The following OLA1 variants were observed in gnomAD, a reference collection of about 807,000 sequenced individuals.
OLA1 encodes obg-like ATPase 1.
Under a neutral mutation model 48.4 loss-of-function variants are expected in OLA1, and 14 were observed. The ratio of observed to expected loss-of-function variants is 0.29; its 90% CI spans 0.19 to 0.45. The LOEUF (loss-of-function observed/expected upper bound fraction) is 0.45. Among genes scored for constraint, OLA1 ranks in the 20% least tolerant of loss-of-function variants. OLA1 has a pLI of 1.00. For missense variants in OLA1, 325 were observed against 467.1 expected (o/e 0.70, Z 2.80); for synonymous variants, 127 against 150.4 (o/e 0.84, Z 1.14).
intron 4 of OLA1, among the ~76,000 whole-genome samples, chr2:174,142,662 G>T (rs1246965924): frequency 6.6e-6 from 1 of 152,152 alleles, no homozygotes; most frequent in African/African-American, 2.4e-5. Flanking sequence ...TGCAGTTGAA[G>T]CCATAATTTC....
intron 4 of OLA1, among the ~76,000 whole-genome samples, chr2:174,222,720 G>A (rs1688535393): frequency 6.6e-6 from 1 of 152,132 alleles, no homozygotes; most frequent in Non-Finnish European, 1.5e-5. Flanking sequence ...CACAATTTAA[G>A]ATAATTTCAG....
chr2:174,114,367 A>AAAAAAAAAAAAAAAAAAAAAAAAC, intron 7 of OLA1, among the ~76,000 whole-genome samples: 1 of 146,924 alleles, frequency 6.8e-6, no homozygotes, highest in South Asian at 2.2e-4. Flanking sequence ...AAAAAAAAAA[A>AAAAAAAAAAAAAAAAAAAAAAAAC]AAAAAAGCTA....
At chr2:174,182,577 T>C (rs911438434) in intron 4 of OLA1, among the ~76,000 whole-genome samples, 1 of 152,072 alleles carries the variant, frequency 6.6e-6, no homozygotes, top group Non-Finnish European at 1.5e-5. Context: ...CTCTTTCAAT[T>C]TCTGTGAGGT....
intron 7 of OLA1, 114 bp from the exon 8 acceptor site, chr2:174,082,178 C>T: frequency 1.7e-6 from 2 of 1,156,406 alleles, no homozygotes; most frequent in Admixed American, 1.9e-5. Flanking sequence ...TTTATGATGC[C>T]ATCTTTTTGT....
intron 4 of OLA1, among the ~76,000 whole-genome samples, chr2:174,192,296 T>C (rs1252186796): frequency 6.6e-6 from 1 of 152,230 alleles, no homozygotes; most frequent in African/African-American, 2.4e-5. Context: ...ATTATACTTA[T>C]CAGTTAAGCA....
intron 7 of OLA1, among the ~76,000 whole-genome samples, chr2:174,118,705 A>G (rs74953690): frequency 2.7e-4 from 41 of 152,352 alleles, no homozygotes; most frequent in African/African-American, 9.6e-4. Flanking sequence ...GATAAATTAC[A>G]TCACTCACAA....
At chr2:174,245,982 C>T (rs938951516) in intron 2 of OLA1, among the ~76,000 whole-genome samples, 1 of 151,880 alleles carries the variant, frequency 6.6e-6, no homozygotes, top group African/African-American at 2.4e-5. Context: ...CTCTTATTTG[C>T]ATATATTCAA....
chr2:174,075,774 A>G (rs1201448899), intron 10 of OLA1, among the ~76,000 whole-genome samples: 1 of 152,206 alleles, frequency 6.6e-6, no homozygotes, highest in Non-Finnish European at 1.5e-5. Flanking sequence ...TTGTTGGTAC[A>G]TAAATGTAAT....
intron 7 of OLA1, among the ~76,000 whole-genome samples, chr2:174,119,948 C>T (rs956925087): frequency 1.7e-5 from 2 of 115,892 alleles, no homozygotes; most frequent in East Asian, 1.1e-3. Flanking sequence ...ATAACACACA[C>T]ACACACAAAC....
intron 5 of OLA1, among the ~76,000 whole-genome samples, chr2:174,129,048 T>C (rs1263053055): frequency 6.6e-6 from 1 of 152,208 alleles, no homozygotes; most frequent in African/African-American, 2.4e-5. Context: ...CTCTCTCAGC[T>C]TGTTTCTGTG....
chr2:174,075,597 G>A (rs191214514), intron 10 of OLA1, 70 bp from the exon 11 acceptor site: 2 of 925,364 alleles, frequency 2.2e-6, no homozygotes, highest in Admixed American at 4.2e-5. Context: ...AATGGTGGCA[G>A]CAGATATAAA....
intron 4 of OLA1, chr2:174,172,100 T>C (rs181463618): frequency 1.7e-3 from 377 of 215,596 alleles, no homozygotes; most frequent in African/African-American, 8.1e-3. Flanking sequence ...TGAGATGTAT[T>C]TGTACACCAG....
At chr2:174,189,196 T>C (rs1210500908) in intron 4 of OLA1, among the ~76,000 whole-genome samples, 3 of 152,020 alleles carry the variant, frequency 2.0e-5, no homozygotes, top group Non-Finnish European at 4.4e-5. Context: ...AAACTGTAAG[T>C]GGATTAGAGA....
At chr2:174,133,879 A>G (rs900841062) in intron 5 of OLA1, among the ~76,000 whole-genome samples, 1 of 152,238 alleles carries the variant, frequency 6.6e-6, no homozygotes, top group African/African-American at 2.4e-5. Flanking sequence ...TCTAGATCCA[A>G]AACATTTCCA....
chr2:174,115,781 A>G (rs1363819261), intron 7 of OLA1, among the ~76,000 whole-genome samples: 3 of 152,144 alleles, frequency 2.0e-5, no homozygotes, highest in East Asian at 3.8e-4. Flanking sequence ...CTTATTTCAT[A>G]AGGTCTTCCC....
chr2:174,243,082 C>T (rs760811916), intron 2 of OLA1, among the ~76,000 whole-genome samples: 15 of 152,086 alleles, frequency 9.9e-5, no homozygotes, highest in Admixed American at 2.0e-4. Flanking sequence ...GATCTCAGCT[C>T]ACTGATACCT....
At chr2:174,087,690 A>G (rs1352015661) in intron 7 of OLA1, among the ~76,000 whole-genome samples, 1 of 152,122 alleles carries the variant, frequency 6.6e-6, no homozygotes, top group South Asian at 2.1e-4. Context: ...GCAACTTAAA[A>G]CACAACCCTG....
At chr2:174,237,137 T>G (rs35470106) in intron 2 of OLA1, among the ~76,000 whole-genome samples, 21,192 of 152,144 alleles carry the variant, frequency 0.14, 1,635 homozygotes, top group East Asian at 0.23. Flanking sequence ...ATATTTTTTC[T>G]TTATATCCTT....
At chr2:174,099,860 GAC>G in intron 7 of OLA1, among the ~76,000 whole-genome samples, 1 of 152,258 alleles carries the variant, frequency 6.6e-6, no homozygotes, top group Non-Finnish European at 1.5e-5. Flanking sequence ...TCCCAGTGGA[GAC>G]ACAGAATAGG....
Sources: gnomAD v4.1 joint callset for allele counts (sites outside exome capture counted in the v4.1 genomes callset) on GRCh38, gnomAD v4.1.1 for gene constraint, MANE v1.5 for transcripts, NCBI Gene and HGNC (gene_info 2026-07-23, HGNC 2026-07-21) for gene names.